The following WNK3 variants were observed in gnomAD, a reference collection of about 807,000 sequenced individuals.
The protein encoded by WNK3 is serine/threonine-protein kinase WNK3.
In WNK3, 18 loss-of-function variants were observed where a neutral mutation model predicts 116.7. The ratio of observed to expected loss-of-function variants is 0.15; its 90% CI spans 0.11 to 0.23. The LOEUF (loss-of-function observed/expected upper bound fraction) is 0.23. Among genes scored for constraint, WNK3 ranks in the 10% least tolerant of loss-of-function variants. The probability of loss-of-function intolerance (pLI) is 1.00; values close to 1 mark genes in which losing one functional copy is unlikely to be tolerated. For synonymous variants in WNK3, 404 were observed against 469.4 expected (o/e 0.86, Z 1.80); for missense variants, 993 against 1,323.8 (o/e 0.75, Z 3.88).
At chrX:54,202,328 T>C (rs1399443003) in intron 22 of WNK3, 135 bp from the exon 23 acceptor site, 2 of 534,064 alleles carry the variant, frequency 3.7e-6, no homozygotes, top group African/African-American at 4.7e-5. Flanking sequence ...ACACTCTAGT[T>C]TACCTGCGTC....
intron 22 of WNK3, among the ~76,000 whole-genome samples, chrX:54,210,194 G>T (rs1557143486): frequency 8.9e-6 from 1 of 112,022 alleles, no homozygotes; most frequent in African/African-American, 3.2e-5. Flanking sequence ...AGGCAATAAG[G>T]TAACAAAACT....
chrX:54,257,833 A>G lies in WNK3; in HGVS notation c.2102+1441T>C, dbSNP rs1216408673. 3.8e-5 allele frequency among the ~76,000 whole-genome samples: 4 copies of G among 106,305 alleles called. No homozygotes were observed. In the East Asian group the frequency reaches 1.2e-3, roughly 32 times the overall value. The allele number at this position is 106,305 out of a possible 115,157, so 92.3% of individuals were successfully genotyped here. On this transcript the variant is annotated intron_variant, in intron 11 of 23. Transcript: ENST00000354646. Reference sequence around the variant, plus strand: ...AAAAAAAAAGACTTAAATAGGATCTACAGTCACCTGACAATATCCAAACGC... The same window carrying G: ...AAAAAAAAAGACTTAAATAGGATCTGCAGTCACCTGACAATATCCAAACGC...
intron 22 of WNK3, among the ~76,000 whole-genome samples, chrX:54,212,965 A>G (rs1557144090): frequency 1.8e-5 from 2 of 110,803 alleles, no homozygotes; most frequent in African/African-American, 3.3e-5. Flanking sequence ...TGATACCTCA[A>G]GCACTCAAAT....
exon 9 of WNK3, chrX:54,293,288 T>C (rs1557165549): frequency 8.3e-7 from 1 of 1,203,649 alleles, no homozygotes; most frequent in Admixed American, 2.3e-5. Context: ...AGTATCTGAA[T>C]GTATAACTGA....
intron 7 of WNK3, among the ~76,000 whole-genome samples, chrX:54,297,611 G>C (rs918342277): frequency 9.1e-6 from 1 of 110,252 alleles, no homozygotes; most frequent in Non-Finnish European, 1.9e-5. Context: ...TATTACTCAT[G>C]GTGATGAGGG....
chrX:54,204,225 T>C (rs943811228), intron 22 of WNK3, among the ~76,000 whole-genome samples: 9 of 110,725 alleles, frequency 8.1e-5, no homozygotes, highest in African/African-American at 3.0e-4. Flanking sequence ...GTTCAAGCGA[T>C]TCTCACACCT....
intron 21 of WNK3, among the ~76,000 whole-genome samples, chrX:54,230,381 A>G (rs1281501636): frequency 1.8e-5 from 2 of 111,884 alleles, no homozygotes; most frequent in Non-Finnish European, 3.8e-5. Context: ...CACAGAGGAT[A>G]TACAGATCAC....
chrX:54,267,869 T>G (rs781976152), intron 10 of WNK3, among the ~76,000 whole-genome samples: 1 of 110,635 alleles, frequency 9.0e-6, no homozygotes, highest in East Asian at 2.8e-4. Flanking sequence ...TTGCTATTTG[T>G]TGAGATGGGG....
chrX:54,351,007 A>G (rs781940135), intron 1 of WNK3, among the ~76,000 whole-genome samples: 1 of 111,066 alleles, frequency 9.0e-6, no homozygotes, highest in South Asian at 3.8e-4. Flanking sequence ...TTAAAAAAAA[A>G]CCCACAAAAC....
intron 1 of WNK3, among the ~76,000 whole-genome samples, chrX:54,342,463 G>A (rs920926765): frequency 1.9e-4 from 20 of 107,039 alleles, no homozygotes; most frequent in African/African-American, 6.8e-4. Flanking sequence ...CTACTTGGGA[G>A]GCTGAGGCAG....
Position 54,251,548 on chromosome X carries a change from T to G in WNK3, c.2507A>C (p.Asp836Ala). The G allele has an allele frequency of 8.3e-7, 1 of 1,210,246 alleles. No homozygotes were observed. Among genetic ancestry groups the G allele is most frequent in the African/African-American group, 1.7e-5 (1 of 57,664 alleles). The change falls in exon 14 of 24, where the codon GAC (aspartate) becomes GCC (alanine). Residue 836 changes from aspartate to alanine, a missense_variant. By Grantham distance (126) the Asp-to-Ala change is moderately radical. Coordinates refer to ENST00000354646, the Ensembl canonical transcript of WNK3. ...TGTTCTCACCTGGCTACTGTTGGAG[T>G]CCACAGTAATAGAATCAACTCCAGT...
chrX:54,303,240 G>A (rs2068788562), intron 5 of WNK3, among the ~76,000 whole-genome samples: 1 of 110,251 alleles, frequency 9.1e-6, no homozygotes, highest in Non-Finnish European at 1.9e-5. Flanking sequence ...AAAATATTGA[G>A]AGCATGTACC....
intron 2 of WNK3, among the ~76,000 whole-genome samples, chrX:54,326,092 GA>G (rs2069100233): frequency 1.8e-5 from 2 of 108,278 alleles, no homozygotes; most frequent in African/African-American, 6.7e-5. Context: ...TTGTTTGTTT[GA>G]TTTTTTTTTT....
chrX:54,281,678 T>G (rs1439537029), intron 10 of WNK3, among the ~76,000 whole-genome samples: 1 of 111,733 alleles, frequency 8.9e-6, no homozygotes, highest in African/African-American at 3.3e-5. Context: ...TCATACAGTA[T>G]CTTTCTGTAT....
rs148555902 is a variant in WNK3, at chrX:54,279,023, G to A, written c.2037+13865C>T. On this transcript the variant is annotated intron_variant, in intron 10 of 23. Coordinates refer to ENST00000354646, the Ensembl canonical transcript of WNK3. ...GCGGAGGTTGCAGTGAGCCAAGATC[G>A]CGCCATCGCATTCTAGCCTGGGCGA... 9.2e-4 allele frequency among the ~76,000 whole-genome samples: 102 copies of A among 111,016 alleles called. No homozygotes were observed. The East Asian group carries it at 0.019, about 21-fold the overall frequency.
At chrX:54,244,391 T>C (rs1197456269) in intron 17 of WNK3, among the ~76,000 whole-genome samples, 1 of 111,967 alleles carries the variant, frequency 8.9e-6, no homozygotes, top group East Asian at 2.8e-4. Flanking sequence ...GTAAAGGGTG[T>C]AGATAATTTG....
intron 17 of WNK3, among the ~76,000 whole-genome samples, chrX:54,243,399 C>T (rs1297481915): frequency 3.7e-5 from 3 of 82,150 alleles, no homozygotes; most frequent in African/African-American, 1.5e-4. Flanking sequence ...CCGGCCTGGG[C>T]GAAAGTGCGA....
intron 10 of WNK3, among the ~76,000 whole-genome samples, chrX:54,263,973 C>T (rs1327753282): frequency 9.3e-6 from 1 of 107,816 alleles, no homozygotes; most frequent in Non-Finnish European, 1.9e-5. Context: ...CAAAGTGATT[C>T]TCCCAGTTCA....
chrX:54,273,603 C>T (rs1557159924), intron 10 of WNK3, among the ~76,000 whole-genome samples: 1 of 111,995 alleles, frequency 8.9e-6, no homozygotes, highest in Non-Finnish European at 1.9e-5. Context: ...AAAAGAATGC[C>T]ATCCACAGAC....
Sources: allele counts gnomAD v4.1 joint callset (sites outside exome capture counted in the v4.1 genomes callset), GRCh38; gene constraint gnomAD v4.1.1; transcripts MANE v1.5; gene names NCBI Gene and HGNC (gene_info 2026-07-23, HGNC 2026-07-21).